Variants in ANKRD54 observed in about 807,000 individuals in gnomAD.
ANKRD54 encodes ankyrin repeat domain-containing protein 54.
Under a neutral mutation model 36.2 loss-of-function variants are expected in ANKRD54, and 26 were observed. That is an observed-to-expected ratio of 0.72 (90% confidence interval 0.53 to 1.00). The LOEUF is 1.00. Ranked by LOEUF, ANKRD54 falls within the 50% of genes least tolerant of loss-of-function variation. ANKRD54 has a pLI of 0.00. For missense variants in ANKRD54, 384 were observed against 424.3 expected, an observed-to-expected ratio of 0.91 and a Z score of 0.83; for synonymous variants, 209 against 188.4, an observed-to-expected ratio of 1.11 and a Z score of -0.89.
chr22:37,841,753 C>G (rs969390279), intron 1 of ANKRD54, among the ~76,000 whole-genome samples: 1 of 151,770 alleles, frequency 6.6e-6, no homozygotes, highest in East Asian at 1.9e-4. Flanking sequence ...GAGGCTAAGG[C>G]AGGAGAATCA....
chr22:37,839,217 G>A (rs910120580), intron 2 of ANKRD54, among the ~76,000 whole-genome samples: 2 of 151,952 alleles, frequency 1.3e-5, no homozygotes, highest in African/African-American at 4.8e-5. Context: ...GCAGGCTACA[G>A]CATGTGTATA....
intron 4 of ANKRD54, 138 bp downstream of exon 4, chr22:37,833,546 C>T (rs1462934520): frequency 8.6e-6 from 8 of 928,018 alleles, no homozygotes; most frequent in Non-Finnish European, 1.7e-6. Context: ...CTGGGCAGTG[C>T]AGCCCTGGGA....
chr22:37,846,671 G>C (rs1924858524), upstream of ANKRD54, among the ~76,000 whole-genome samples: 2 of 152,032 alleles, frequency 1.3e-5, no homozygotes, highest in Admixed American at 6.6e-5. Flanking sequence ...CTGAGCTCAA[G>C]TGATCCTCCC....
At chr22:37,840,374 T>G in intron 1 of ANKRD54, 140 bp from the exon 2 acceptor site, 1 of 864,562 alleles carries the variant, frequency 1.2e-6, no homozygotes. Context: ...CTGGCTAACA[T>G]GGTGAAACCC....
chr22:37,847,593 C>T (rs1248354954), upstream of ANKRD54: 2 of 468,302 alleles, frequency 4.3e-6, no homozygotes, highest in South Asian at 1.7e-5. Flanking sequence ...ATCTCTTTCA[C>T]TGTCATTATT....
At chr22:37,833,784 G>A in intron 3 of ANKRD54, 29 bp from the exon 4 acceptor site, 1 of 1,610,232 alleles carries the variant, frequency 6.2e-7, no homozygotes, top group Non-Finnish European at 8.5e-7. Context: ...AAGAGGAGTT[G>A]TCGGAGGCTT....
At chr22:37,842,148 T>C (rs1010550806) in intron 1 of ANKRD54, among the ~76,000 whole-genome samples, 2 of 151,804 alleles carry the variant, frequency 1.3e-5, no homozygotes, top group Admixed American at 6.6e-5. Flanking sequence ...ACTAGCTGGG[T>C]GTGGTGGTGC....
intron 3 of ANKRD54, among the ~76,000 whole-genome samples, chr22:37,837,631 C>T (rs1923712808): frequency 2.0e-5 from 3 of 152,180 alleles, no homozygotes; most frequent in Admixed American, 2.0e-4. Flanking sequence ...CCCAAGAACA[C>T]TGAGGGAAGA....
chr22:37,844,086 CG>C lies in ANKRD54; in HGVS notation c.152del (p.Ala51GlyfsTer41). On this transcript the variant is annotated frameshift_variant, in exon 1 of 8. Transcript: ENST00000215941. LOFTEE classifies it high-confidence loss of function. Reference sequence around the variant, plus strand: ...CGCCGGACGCCCGGCCCGAGAGGCCCGCGCCGCCGCCGCCCAGCGCAGACCC... The same window carrying C: ...CGCCGGACGCCCGGCCCGAGAGGCCCCGCCGCCGCCGCCCAGCGCAGACCC... The part of the protein sequence containing the change: ...DFGSALGGGG[A>X]GLSGRASGGA... The C allele has an allele frequency of 6.9e-7, 1 of 1,449,078 alleles. No individual in the cohort carries two copies. The highest frequency in any genetic ancestry group is 9.0e-7 in the Non-Finnish European group (1 of 1,108,674). The allele number at this position is 1,449,078 out of a possible 1,614,324, so 89.8% of individuals were successfully genotyped here. A position where few individuals can be genotyped will look rare whatever the true frequency, so the allele number is the denominator to read the frequency against.
chr22:37,844,615 C>T (rs1924721072), upstream of ANKRD54, among the ~76,000 whole-genome samples: 1 of 152,150 alleles, frequency 6.6e-6, no homozygotes, highest in East Asian at 1.9e-4. Flanking sequence ...GCGACGGAGT[C>T]TCGCTCTGCC....
upstream of ANKRD54, among the ~76,000 whole-genome samples, chr22:37,847,996 G>C (rs779965204): frequency 6.6e-6 from 1 of 152,108 alleles, no homozygotes; most frequent in Non-Finnish European, 1.5e-5. Context: ...TCTAGACTTG[G>C]ATAACAGTGA....
chr22:37,831,809 G>A lies in ANKRD54; in HGVS notation c.*134C>T, dbSNP rs74343369. On this transcript the variant is annotated 3_prime_UTR_variant, in exon 8 of 8. Coordinates refer to ENST00000215941, the MANE Select transcript of ANKRD54 (RefSeq NM_138797.4). ...TGGAGAGAGAGCATCTCTGCCCCAC[G>A]GCATCTGCGGGTGAGGGCAAGGTCC... is the stretch of plus-strand genomic sequence containing the variant. The A allele has an allele frequency of 2.6e-3, 2,169 of 827,650 alleles. 33 individuals carry two copies. The African/African-American group carries it at 0.032, about 12-fold the overall frequency. The allele number at this position is 827,650 out of a possible 1,614,324, so 51.3% of individuals were successfully genotyped here.
intron 2 of ANKRD54, among the ~76,000 whole-genome samples, chr22:37,839,188 A>G (rs1246394256): frequency 6.6e-6 from 1 of 151,340 alleles, no homozygotes. Flanking sequence ...AAAAATGTTT[A>G]TGATACACAA....
chr22:37,844,197 T>C lies in ANKRD54; in HGVS notation c.42A>G (p.Ser14=), dbSNP rs758584807. The C allele has an allele frequency of 4.3e-5, 65 of 1,519,674 alleles. No individual in the cohort carries two copies. The highest frequency in any genetic ancestry group is 5.4e-5 in the Non-Finnish European group (62 of 1,142,562). 94.1% of individuals were successfully genotyped at this position (1,519,674 alleles called of 1,614,324 possible). ...AAGDADDEPR[S]GHSSSEGECA... is the part of the protein sequence containing the mutation. ...ACTCGCCCTCCGAGCTCGAGTGGCCTGAGCGCGGCTCGTCGTCCGCGTCCC... is the reference window on the plus strand; with the variant it reads ...ACTCGCCCTCCGAGCTCGAGTGGCCCGAGCGCGGCTCGTCGTCCGCGTCCC... Residue 14 remains serine (S), a synonymous_variant, in exon 1 of 8, where the codon TCA becomes TCG. Coordinates refer to ENST00000215941, the MANE Select transcript of ANKRD54 (RefSeq NM_138797.4).
chr22:37,831,536 G>A lies in ANKRD54; in HGVS notation c.*407C>T, dbSNP rs1227066391. ...CAGTACCCCTGGCCACAGGGTGCCC[G>A]CCTAAGCCCACACCTGCTGACTGCA... is the stretch of plus-strand genomic sequence containing the variant. On this transcript the variant is annotated 3_prime_UTR_variant, in exon 8 of 8. Transcript: ENST00000215941. The A allele has an allele frequency of 2.6e-5, 5 of 189,332 alleles. No individual in the cohort carries two copies. The highest frequency in any genetic ancestry group is 1.3e-4 in the South Asian group (1 of 7,990). 11.7% of individuals were successfully genotyped at this position (189,332 alleles called of 1,614,324 possible).
At position 37,835,631 on chromosome 22, in the gene ANKRD54, C is replaced by T. The variant is rs116689265; in HGVS notation, c.476-1876G>A. On this transcript the variant is annotated intron_variant, in intron 3 of 7. Coordinates refer to ENST00000215941, the MANE Select transcript of ANKRD54 (RefSeq NM_138797.4). ...AGAACAGCTGGGTAACATAGCAGGA[C>T]CACGTCTCTACAAGATGTTTTAAAA... Among the ~76,000 whole-genome samples the T allele has an allele frequency of 5.8e-3, 889 of 152,134 alleles. 6 individuals carry two copies. Among genetic ancestry groups the T allele is most frequent in the African/African-American group, 0.021 (854 of 41,494 alleles).
At chr22:37,840,452 G>A (rs553145743) in intron 1 of ANKRD54, among the ~76,000 whole-genome samples, 7 of 152,024 alleles carry the variant, frequency 4.6e-5, no homozygotes, top group South Asian at 2.1e-4. Flanking sequence ...CCAGCTACTC[G>A]GGAGGCTGAG....
intron 3 of ANKRD54, among the ~76,000 whole-genome samples, chr22:37,836,001 A>G (rs1923472852): frequency 6.6e-6 from 1 of 151,864 alleles, no homozygotes; most frequent in Non-Finnish European, 1.5e-5. Flanking sequence ...CACCCGGCTA[A>G]GTTTTTGTAT....
At chr22:37,833,660 C>T in intron 4 of ANKRD54, 24 bp downstream of exon 4, 1 of 1,613,278 alleles carries the variant, frequency 6.2e-7, no homozygotes. Flanking sequence ...AATGAGTTGT[C>T]TTAGTGACTT....
Sources: allele counts gnomAD v4.1 joint callset (sites outside exome capture counted in the v4.1 genomes callset), GRCh38; gene constraint gnomAD v4.1.1; transcripts MANE v1.5; gene names NCBI Gene and HGNC (gene_info 2026-07-23, HGNC 2026-07-21).